The following ZFPM2 variants were observed in gnomAD, a reference collection of about 807,000 sequenced individuals.
ZFPM2 encodes zinc finger protein, FOG family member 2, also known as zinc finger protein ZFPM2.
Under a neutral mutation model 98.6 loss-of-function variants are expected in ZFPM2, and 20 were observed. That is an observed-to-expected ratio of 0.20 (90% CI 0.14 to 0.29). The LOEUF (loss-of-function observed/expected upper bound fraction) is 0.29. Among genes scored for constraint, ZFPM2 ranks in the 10% least tolerant of loss-of-function variants. ZFPM2 has a pLI of 1.00. For synonymous variants in ZFPM2, 518 were observed against 502.7 expected, an observed-to-expected ratio of 1.03 and a Z score of -0.41; for missense variants, 1,310 against 1,388.6, an observed-to-expected ratio of 0.94 and a Z score of 0.90.
At chr8:105,702,193 T>A (rs1282796474) in intron 5 of ZFPM2, among the ~76,000 whole-genome samples, 1 of 152,236 alleles carries the variant, frequency 6.6e-6, no homozygotes, top group African/African-American at 2.4e-5. Flanking sequence ...TTGTTTTGTT[T>A]TTCAAGAACA....
rs1172132204 is a variant in ZFPM2, at chr8:105,494,203, A to G, written c.301+49822A>G. Among the ~76,000 whole-genome samples the G allele has an allele frequency of 1.4e-3, 176 of 124,334 alleles. 7 individuals carry two copies. The highest frequency in any genetic ancestry group is 6.3e-3 in the African/African-American group (175 of 27,880). The allele number at this position is 124,334 out of a possible 152,430, so 81.6% of individuals were successfully genotyped here. On this transcript the variant is annotated intron_variant, in intron 3 of 7. Coordinates refer to ENST00000407775, the MANE Select transcript of ZFPM2 (RefSeq NM_012082.4). The stretch of plus-strand genomic sequence containing the variant: ...CAAAAGTATATATATATATATATAT[A>G]TATATATATATATATATATATATAA...
intron 6 of ZFPM2, chr8:105,795,750 T>C: frequency 2.2e-6 from 1 of 451,898 alleles, no homozygotes; most frequent in South Asian, 1.7e-5. Flanking sequence ...TATTTTTGTG[T>C]CACAGAATGA....
At chr8:105,649,588 G>A (rs1229335363) in intron 5 of ZFPM2, among the ~76,000 whole-genome samples, 1 of 152,208 alleles carries the variant, frequency 6.6e-6, no homozygotes, top group Non-Finnish European at 1.5e-5. Context: ...TTTTTAGCAT[G>A]AAGTGCTGTT....
intron 5 of ZFPM2, among the ~76,000 whole-genome samples, chr8:105,731,142 C>G (rs544662446): frequency 6.6e-6 from 1 of 151,740 alleles, no homozygotes; most frequent in Non-Finnish European, 1.5e-5. Flanking sequence ...ATTCCTTTTT[C>G]ATGGGGCAAA....
intron 4 of ZFPM2, among the ~76,000 whole-genome samples, chr8:105,627,562 TG>T (rs1470474907): frequency 3.9e-5 from 6 of 152,092 alleles, no homozygotes; most frequent in Non-Finnish European, 5.9e-5. Context: ...TATTTCAAAA[TG>T]GAAAAAATGG....
At chr8:105,579,180 A>T (rs1300280685) in intron 4 of ZFPM2, among the ~76,000 whole-genome samples, 1 of 148,858 alleles carries the variant, frequency 6.7e-6, no homozygotes, top group Non-Finnish European at 1.5e-5. Context: ...GCATTGCCTG[A>T]TACAGTAACA....
At chr8:105,431,122 G>C (rs1378307257) in intron 2 of ZFPM2, among the ~76,000 whole-genome samples, 32 of 151,706 alleles carry the variant, frequency 2.1e-4, no homozygotes, top group Non-Finnish European at 4.4e-5. Context: ...TTGTCAGTCT[G>C]GTCTCAAACT....
intron 3 of ZFPM2, among the ~76,000 whole-genome samples, chr8:105,500,872 G>C (rs1813579243): frequency 6.6e-6 from 1 of 152,026 alleles, no homozygotes; most frequent in South Asian, 2.1e-4. Flanking sequence ...TAGATGTCTA[G>C]TACCTTAAAA....
intron 3 of ZFPM2, among the ~76,000 whole-genome samples, chr8:105,466,526 G>A (rs1276474516): frequency 6.6e-6 from 1 of 152,024 alleles, no homozygotes; most frequent in East Asian, 1.9e-4. Context: ...TCACCTTATT[G>A]TGCCTTTTAA....
At chr8:105,512,761 T>G (rs1813842618) in intron 3 of ZFPM2, among the ~76,000 whole-genome samples, 1 of 152,226 alleles carries the variant, frequency 6.6e-6, no homozygotes, top group African/African-American at 2.4e-5. Context: ...GTCAAATAAC[T>G]GTATCTTTGA....
At chr8:105,675,663 G>A (rs1810431372) in intron 5 of ZFPM2, among the ~76,000 whole-genome samples, 1 of 152,012 alleles carries the variant, frequency 6.6e-6, no homozygotes, top group Admixed American at 6.6e-5. Flanking sequence ...ATAAAGGCAA[G>A]GTGTAAATAA....
intron 5 of ZFPM2, among the ~76,000 whole-genome samples, chr8:105,694,026 G>A (rs1189398121): frequency 2.6e-5 from 3 of 114,524 alleles, no homozygotes; most frequent in Admixed American, 1.2e-4. Context: ...ACACTCTGTT[G>A]CCCAGGCTGG....
chr8:105,422,752 G>T (rs1446306565), intron 2 of ZFPM2, among the ~76,000 whole-genome samples: 12 of 151,984 alleles, frequency 7.9e-5, no homozygotes, highest in Admixed American at 7.9e-4. Flanking sequence ...AAGAAATTTT[G>T]ACACATTATC....
intron 5 of ZFPM2, among the ~76,000 whole-genome samples, chr8:105,729,741 T>C (rs367811878): frequency 1.3e-5 from 2 of 151,782 alleles, no homozygotes; most frequent in East Asian, 3.9e-4. Flanking sequence ...GTTCCTCTTA[T>C]TAGGCAACCT....
chr8:105,475,607 A>AAATT (rs1186125814), intron 3 of ZFPM2, among the ~76,000 whole-genome samples: 1 of 152,214 alleles, frequency 6.6e-6, no homozygotes, highest in Non-Finnish European at 1.5e-5. Flanking sequence ...GATTTTAGAT[A>AAATT]AATTTGGATA....
chr8:105,334,795 T>G (rs541094566), intron 1 of ZFPM2, among the ~76,000 whole-genome samples: 1 of 151,800 alleles, frequency 6.6e-6, no homozygotes, highest in East Asian at 1.9e-4. Flanking sequence ...GCAGACATAG[T>G]TTTAAATTGG....
intron 4 of ZFPM2, among the ~76,000 whole-genome samples, chr8:105,588,003 G>A (rs1815760505): frequency 6.6e-6 from 1 of 152,142 alleles, no homozygotes; most frequent in Non-Finnish European, 1.5e-5. Context: ...GCCCACCACA[G>A]GGAAAGTTAA....
chr8:105,519,532 C>T (rs1814006503), intron 3 of ZFPM2, among the ~76,000 whole-genome samples: 1 of 152,060 alleles, frequency 6.6e-6, no homozygotes, highest in South Asian at 2.1e-4. Context: ...TTTGAATATA[C>T]ACTGCTCTGA....
intron 1 of ZFPM2, among the ~76,000 whole-genome samples, chr8:105,345,028 A>G (rs1393094418): frequency 1.3e-5 from 2 of 152,232 alleles, no homozygotes; most frequent in East Asian, 3.8e-4. Context: ...TGTGTATATT[A>G]TTCCTATGGC....
Sources: gnomAD v4.1 joint callset for allele counts (sites outside exome capture counted in the v4.1 genomes callset) on GRCh38, gnomAD v4.1.1 for gene constraint, MANE v1.5 for transcripts, NCBI Gene and HGNC (gene_info 2026-07-23, HGNC 2026-07-21) for gene names.